The following MYBPC2 variants were observed in gnomAD, a reference collection of about 807,000 sequenced individuals.
MYBPC2 encodes the protein myosin-binding protein C, fast-type.
In MYBPC2, 122 loss-of-function variants were observed where a neutral mutation model predicts 137.0. The observed-to-expected ratio is 0.89, with a 90% CI of 0.77 to 1.03. The LOEUF (loss-of-function observed/expected upper bound fraction) is 1.03. Among genes scored for constraint, MYBPC2 ranks in the 50% least tolerant of loss-of-function variants. The probability of loss-of-function intolerance (pLI) is 0.00; values close to 1 mark genes in which losing one functional copy is unlikely to be tolerated. For missense variants in MYBPC2, 1,500 were observed against 1,534.4 expected (o/e 0.98, Z 0.37); for synonymous variants, 626 against 612.3 (o/e 1.02, Z -0.33).
chr19:50,464,502 G>A lies in MYBPC2; in HGVS notation c.3385G>A (p.Ala1129Thr). Residue 1129 changes from alanine (A) to threonine (T), a missense_variant, in exon 27 of 28, where the codon GCG (alanine) becomes ACG (threonine). By Grantham distance (58) the Ala-to-Thr change is moderately conservative (BLOSUM62 0). Transcript: ENST00000357701. ...CCGGGCCGTCAACGAGCTGGGCGAG[G>A]CGCTGGCTGAGTGCAAGCTGGAGGT... The part of the protein sequence containing the change: ...TCRAVNELGE[A>T]LAECKLEVRV... 6.2e-7 allele frequency: 1 copy of A among 1,612,144 alleles called. No individual in the cohort carries two copies. Among genetic ancestry groups the A allele is most frequent in the South Asian group, 1.1e-5 (1 of 90,798 alleles).
At chr19:50,464,567 C>A (rs374984524) in intron 27 of MYBPC2, 35 bp downstream of exon 27, 1 of 1,561,550 alleles carries the variant, frequency 6.4e-7, no homozygotes, top group Non-Finnish European at 8.6e-7. Flanking sequence ...CTGGCTGACC[C>A]TTGCTCGGGC....
rs2039695395 is a variant in MYBPC2 at position 50,435,621 on chromosome 19, C to T, written c.110-155C>T. ...CACAGCCACGAGGGTGACAGGTGGC[C>T]TTTCCCAGGTCAGGAAAAGCCATTT... On this transcript the variant is annotated intron_variant, in intron 2 of 27. Coordinates refer to ENST00000357701, the MANE Select transcript of MYBPC2 (RefSeq NM_004533.4). The surrounding 1 kb of genome is among the most constrained non-coding windows in gnomAD (Gnocchi z 4.8). Among the ~76,000 whole-genome samples, 1 of 152,230 alleles carries T rather than the reference C, an allele frequency of 6.6e-6. No homozygotes were observed. Among genetic ancestry groups the T allele is most frequent in the African/African-American group, 2.4e-5 (1 of 41,462 alleles).
rs1234345595 is a variant in MYBPC2 at position 50,460,068 on chromosome 19, G to A, written c.2820G>A (p.Met940Ile). The A allele has an allele frequency of 6.4e-7, 1 of 1,558,566 alleles. No homozygotes were observed. Among genetic ancestry groups the A allele is most frequent in the African/African-American group, 1.4e-5 (1 of 73,316 alleles). ...VEKAGPPINV[M>I]VKEVWGTNAL... is the part of the protein sequence containing the mutation. ...AGGCTGGGCCCCCCATAAACGTGAT[G>A]GTGAAGGAGGTGTGGGGCACGAACG... Residue 940 changes from methionine to isoleucine, a missense_variant, in exon 24 of 28, where the codon ATG becomes ATA. Transcript: ENST00000357701.
chr19:50,456,332 C>A (rs1319066925), intron 20 of MYBPC2, among the ~76,000 whole-genome samples: 1 of 151,218 alleles, frequency 6.6e-6, no homozygotes, highest in Non-Finnish European at 1.5e-5. Context: ...ATCCATCCAT[C>A]CGTCTGTCCA....
Position 50,443,463 on chromosome 19 carries a change from G to A in MYBPC2, c.903-31G>A, listed in dbSNP as rs763312126. The A allele has an allele frequency of 7.5e-6, 12 of 1,607,920 alleles. No individual in the cohort carries two copies. In the South Asian group the frequency reaches 8.9e-5, roughly 12 times the overall value. ...CCCCAGGGATAGGTGGATGCTCCAC[G>A]CCCTGGTTTGAGGTGAGACTTTTGA... On this transcript the variant is annotated intron_variant, in intron 9 of 27. Coordinates refer to ENST00000357701, the MANE Select transcript of MYBPC2 (RefSeq NM_004533.4).
At position 50,439,781 on chromosome 19, in the gene MYBPC2, C is replaced by T. The variant is rs117831371; in HGVS notation, c.573-1099C>T. Among the ~76,000 whole-genome samples the T allele has an allele frequency of 7.9e-3, 1,202 of 152,338 alleles. 7 individuals carry two copies. Among genetic ancestry groups the T allele is most frequent in the Admixed American group, 9.9e-3 (152 of 15,290 alleles). ...GGGTCTTGTCCAACAGACATAGATA[C>T]AGACTGAGACTATTTGGTGTGATTT... is the stretch of plus-strand genomic sequence containing the variant. On this transcript the variant is annotated intron_variant, in intron 7 of 27. Transcript: ENST00000357701.
chr19:50,454,896 G>C lies in MYBPC2; in HGVS notation c.2015-212G>C, dbSNP rs1231911605. On this transcript the variant is annotated intron_variant, in intron 18 of 27. Transcript: ENST00000357701. The stretch of plus-strand genomic sequence containing the variant: ...AGCCTGGGTTTTTCTATGGCTCCTG[G>C]CCTCCTGGTTCATGAGCTGTGACCC... Among the ~76,000 whole-genome samples, 17 of 152,036 alleles carry C rather than the reference G, an allele frequency of 1.1e-4. 1 individual carries two copies. The highest frequency in any genetic ancestry group is 1.1e-3 in the Admixed American group (17 of 15,256).
intron 19 of MYBPC2, 63 bp from the exon 20 acceptor site, chr19:50,455,447 C>A (rs778962725): frequency 1.3e-5 from 20 of 1,579,680 alleles, no homozygotes; most frequent in Admixed American, 1.7e-5. Flanking sequence ...CTGACTCCTG[C>A]CCCTTCCTGC....
At chr19:50,461,495 G>A in intron 24 of MYBPC2, 47 bp from the exon 25 acceptor site, 1 of 1,585,948 alleles carries the variant, frequency 6.3e-7, no homozygotes, top group Non-Finnish European at 8.6e-7. Flanking sequence ...GTAATCGTGT[G>A]ATCCTGTGGC....
At chr19:50,448,056 C>G (rs939513475) in intron 12 of MYBPC2, among the ~76,000 whole-genome samples, 169 bp from the exon 13 acceptor site, 6 of 152,128 alleles carry the variant, frequency 3.9e-5, no homozygotes, top group African/African-American at 1.4e-4. Context: ...TCTTTCTTCA[C>G]TGTCTCCCAC....
Position 50,460,166 on chromosome 19 carries a change from A to T in MYBPC2, c.2918A>T (p.Asp973Val). 6 of 1,603,564 alleles carry T rather than the reference A, an allele frequency of 3.7e-6. No individual in the cohort carries two copies. The highest frequency in any genetic ancestry group is 5.1e-6 in the Non-Finnish European group (6 of 1,175,168). Residue 973 changes from aspartate to valine, a missense_variant, in exon 24 of 28, where the codon GAC becomes GTC. Asp to Val is a radical substitution (Grantham distance 152). Coordinates refer to ENST00000357701, the MANE Select transcript of MYBPC2 (RefSeq NM_004533.4). ...ATGGGGTATTTCGTCCAGAAAGCAG[A>T]CAAAAAAACCATGGTGAGAGAGCAG... is the stretch of plus-strand genomic sequence containing the variant. The part of the protein sequence containing the change: ...EIMGYFVQKA[D>V]KKTMEWFNVY...
In MYBPC2 at chr19:50,462,053, C is replaced by T. The variant is rs188720113; in HGVS notation, c.3228+17C>T. On this transcript the variant is annotated intron_variant, in intron 26 of 27. Transcript: ENST00000357701. ...CACCCGAAGGTGCCAGGGCAGGGAC[C>T]CAGATCTGCGTGTGTGTTGCCTTGT... 3.9e-3 allele frequency: 6,181 copies of T among 1,566,504 alleles called. 17 individuals are homozygous for T. Among genetic ancestry groups the T allele is most frequent in the Non-Finnish European group, 4.9e-3 (5,632 of 1,155,182 alleles).
At position 50,465,396 on chromosome 19, in the gene MYBPC2, G is replaced by C. The variant is rs771971317; in HGVS notation, c.3416-799G>C. Among the ~76,000 whole-genome samples, 22 of 152,206 alleles carry C rather than the reference G, an allele frequency of 1.4e-4. No individual in the cohort carries two copies. Among genetic ancestry groups the C allele is most frequent in the Non-Finnish European group, 2.9e-4 (20 of 68,046 alleles). ...ATGTCTGCCAGTCAAGGCTCAGCGA[G>C]GAGGCCACTAACCGTGTCCCTCAGA... On this transcript the variant is annotated intron_variant, in intron 27 of 27. Coordinates refer to ENST00000357701, the MANE Select transcript of MYBPC2 (RefSeq NM_004533.4). This position sits in a 1 kb window ranked among gnomAD's most constrained non-coding sequence, Gnocchi z 4.5.
intron 11 of MYBPC2, among the ~76,000 whole-genome samples, chr19:50,444,502 C>G (rs1390495310): frequency 6.6e-6 from 1 of 152,174 alleles, no homozygotes; most frequent in African/African-American, 2.4e-5. Context: ...ATCTATGTAC[C>G]TATTCACCAA....
Position 50,436,694 on chromosome 19 carries a change from G to C in MYBPC2, c.423G>C (p.Lys141Asn). 6.2e-7 allele frequency: 1 copy of C among 1,613,946 alleles called. No individual in the cohort carries two copies. The highest frequency in any genetic ancestry group is 8.5e-7 in the Non-Finnish European group (1 of 1,179,834). The change falls in exon 5 of 28, where the codon AAG (lysine) becomes AAC (asparagine). Residue 141 changes from lysine (K) to asparagine (N), a missense_variant. Coordinates refer to ENST00000357701, the MANE Select transcript of MYBPC2 (RefSeq NM_004533.4). ...ATTACCGCCTCGAGGTCAAAGCCAA[G>C]GACACCTGTGACAGCTGTGGCTTCA... ...RGYYRLEVKA[K>N]DTCDSCGFNI...
At chr19:50,458,505 G>A (rs1010033603) in intron 20 of MYBPC2, 82 bp from the exon 21 acceptor site, 2 of 1,525,218 alleles carry the variant, frequency 1.3e-6, no homozygotes, top group East Asian at 2.3e-5. Flanking sequence ...CGCTCGCTGC[G>A]TGGGGCCCAA....
At chr19:50,445,626 C>G (rs2122591376) in intron 11 of MYBPC2, among the ~76,000 whole-genome samples, 1 of 151,922 alleles carries the variant, frequency 6.6e-6, no homozygotes, top group East Asian at 1.9e-4. Context: ...CTCCTGACCT[C>G]AGGTGATCCA....
Position 50,440,964 on chromosome 19 carries a change from A to T in MYBPC2, c.657A>T (p.Lys219Asn), listed in dbSNP as rs778882369. The T allele has an allele frequency of 1.2e-6, 2 of 1,613,778 alleles. No individual in the cohort carries two copies. The highest frequency in any genetic ancestry group is 2.2e-5 in the South Asian group (2 of 91,028). The change falls in exon 8 of 28, where the codon AAA (lysine) becomes AAT (asparagine). Residue 219 changes from lysine to asparagine, a missense_variant. Transcript: ENST00000357701. ...GIPPEIWELL[K>N]GAKKSEYEKI... ...CCCCGGAGATTTGGGAGCTCCTGAA[A>T]GGGGCAAAGAAGAGCGAGTACGAGA...
chr19:50,454,014 G>A lies in MYBPC2; in HGVS notation c.1750-6G>A, dbSNP rs565601072. On this transcript the variant is annotated splice_polypyrimidine_tract_variant and splice_region_variant and intron_variant, in intron 16 of 27. Transcript: ENST00000357701. ...GGGTGCAAGGCCATCTGGTGGCTGCGTTCAGGTATTCACGACCACCGAGGG... is the reference window on the plus strand; with the variant it reads ...GGGTGCAAGGCCATCTGGTGGCTGCATTCAGGTATTCACGACCACCGAGGG... 1.7e-5 allele frequency: 27 copies of A among 1,588,876 alleles called. No homozygotes were observed. Among genetic ancestry groups the A allele is most frequent in the South Asian group, 1.4e-4 (12 of 87,400 alleles).
Sources: gnomAD v4.1 joint callset for allele counts (sites outside exome capture counted in the v4.1 genomes callset) on GRCh38, gnomAD v4.1.1 for gene constraint, Gnocchi (gnomAD v3.1) non-coding constraint, MANE v1.5 for transcripts, NCBI Gene and HGNC (gene_info 2026-07-23, HGNC 2026-07-21) for gene names.